EIPR1: variants seen among roughly 807,000 people sequenced by gnomAD.
EIPR1 encodes EARP complex and GARP complex interacting protein 1.
EIPR1 carries 25 observed loss-of-function variants against 48.1 expected under a neutral mutation model. That is an observed-to-expected ratio of 0.52 (90% CI 0.38 to 0.73). The LOEUF is 0.73. Ranked by LOEUF, EIPR1 falls within the 30% of genes least tolerant of loss-of-function variation. The pLI is 0.00. For missense variants in EIPR1, 415 were observed against 506.2 expected, an observed-to-expected ratio of 0.82 and a Z score of 1.73; for synonymous variants, 204 against 201.9, an observed-to-expected ratio of 1.01 and a Z score of -0.09.
chr2:3,218,198 T>C (rs1665713047), intron 4 of EIPR1, among the ~76,000 whole-genome samples: 1 of 149,960 alleles, frequency 6.7e-6, no homozygotes, highest in Non-Finnish European at 1.5e-5. Context: ...TGATACGCTC[T>C]AGAGCTTTCA....
At chr2:3,236,184 T>C (rs1666400303) in intron 4 of EIPR1, among the ~76,000 whole-genome samples, 1 of 152,146 alleles carries the variant, frequency 6.6e-6, no homozygotes, top group Non-Finnish European at 1.5e-5. Context: ...GTACGTGTAC[T>C]GTATGTTAAA....
chr2:3,203,291 G>T (rs2103118788), intron 5 of EIPR1, among the ~76,000 whole-genome samples: 1 of 152,358 alleles, frequency 6.6e-6, no homozygotes, highest in South Asian at 2.1e-4. Flanking sequence ...AGTAACTAGG[G>T]AAAGCTTTCA....
At chr2:3,362,430 C>T (rs1670873349) in intron 1 of EIPR1, among the ~76,000 whole-genome samples, 1 of 150,984 alleles carries the variant, frequency 6.6e-6, no homozygotes, top group South Asian at 2.1e-4. Context: ...ATTTTAACAA[C>T]CTCTTAACCA....
In EIPR1 at chr2:3,367,992, T is replaced by C. The variant is rs1671017692; in HGVS notation, c.42+9656A>G. On this transcript the variant is annotated intron_variant, in intron 1 of 8. Coordinates refer to ENST00000382125, the MANE Select transcript of EIPR1 (RefSeq NM_003310.5). ...CCCGGGAGGCGGAGCTTGCAGTGAG[T>C]TGAGATCGCGCCACTGCACTCCAGC... Among the ~76,000 whole-genome samples, 4 of 151,724 alleles carry C rather than the reference T, an allele frequency of 2.6e-5. 1 individual carries two copies. The South Asian group carries it at 8.4e-4, about 32-fold the overall frequency.
At chr2:3,260,202 T>C (rs946108770) in intron 3 of EIPR1, among the ~76,000 whole-genome samples, 1 of 152,072 alleles carries the variant, frequency 6.6e-6, no homozygotes, top group Non-Finnish European at 1.5e-5. Flanking sequence ...ATTAAAGAAA[T>C]GAAGCAGTGG....
intron 3 of EIPR1, among the ~76,000 whole-genome samples, chr2:3,316,949 G>C (rs2103317959): frequency 6.6e-6 from 1 of 152,400 alleles, no homozygotes; most frequent in African/African-American, 2.4e-5. Flanking sequence ...GTGCATGTGT[G>C]AGCTGAGGAT....
At chr2:3,343,059 C>G (rs553238752) in intron 2 of EIPR1, among the ~76,000 whole-genome samples, 1 of 152,218 alleles carries the variant, frequency 6.6e-6, no homozygotes, top group Non-Finnish European at 1.5e-5. Context: ...TCACAATCTA[C>G]AGGTGAAAAG....
At chr2:3,369,064 T>G (rs1366513887) in intron 1 of EIPR1, among the ~76,000 whole-genome samples, 1 of 152,210 alleles carries the variant, frequency 6.6e-6, no homozygotes, top group Non-Finnish European at 1.5e-5. Context: ...TCAGTTTTCT[T>G]GTTTACTGCA....
At chr2:3,233,673 A>T (rs2694088) in intron 4 of EIPR1, among the ~76,000 whole-genome samples, 139,200 of 152,254 alleles carry the variant, frequency 0.91, 64,123 homozygotes, top group East Asian at 0.98. Flanking sequence ...CTTCTCACAC[A>T]TCTGTGAATT....
intron 3 of EIPR1, among the ~76,000 whole-genome samples, chr2:3,280,024 T>G (rs1667969179): frequency 1.3e-5 from 2 of 152,310 alleles, no homozygotes; most frequent in Non-Finnish European, 2.9e-5. Flanking sequence ...ATCTTTCTAT[T>G]TTTATGTATT....
chr2:3,218,286 C>T (rs1162913511), intron 4 of EIPR1, among the ~76,000 whole-genome samples: 7 of 147,242 alleles, frequency 4.8e-5, no homozygotes, highest in Non-Finnish European at 7.5e-5. Context: ...ACACCCAACA[C>T]GGCCCTGATA....
intron 3 of EIPR1, among the ~76,000 whole-genome samples, chr2:3,324,867 G>A (rs1440416469): frequency 6.6e-6 from 1 of 152,230 alleles, no homozygotes; most frequent in South Asian, 2.1e-4. Context: ...TCACCAGGCT[G>A]GGGTCAGTGG....
At chr2:3,200,716 A>G (rs962362578) in intron 5 of EIPR1, among the ~76,000 whole-genome samples, 1 of 151,940 alleles carries the variant, frequency 6.6e-6, no homozygotes, top group Non-Finnish European at 1.5e-5. Context: ...GCACGGCAGG[A>G]TTAAGCTTGA....
intron 3 of EIPR1, among the ~76,000 whole-genome samples, chr2:3,332,248 A>C (rs1669922200): frequency 6.6e-6 from 1 of 152,228 alleles, no homozygotes; most frequent in Non-Finnish European, 1.5e-5. Context: ...GGGTGAAACA[A>C]GTTCTAAATA....
Position 3,323,002 on chromosome 2 carries a change from G to A in EIPR1, c.259+15015C>T, listed in dbSNP as rs72765347. On this transcript the variant is annotated intron_variant, in intron 3 of 8. Transcript: ENST00000382125. ...ATAAGCGAAAAGCGACAAACGTTACGAAAATGCAAAAACATTAAAGTCTTC... is the reference window on the plus strand; with the variant it reads ...ATAAGCGAAAAGCGACAAACGTTACAAAAATGCAAAAACATTAAAGTCTTC... Among the ~76,000 whole-genome samples, 688 of 152,120 alleles carry A rather than the reference G, an allele frequency of 4.5e-3. 3 individuals carry two copies. Among genetic ancestry groups the A allele is most frequent in the Non-Finnish European group, 7.8e-3 (531 of 68,006 alleles).
chr2:3,327,179 T>G (rs747091838), intron 3 of EIPR1, among the ~76,000 whole-genome samples: 1 of 152,164 alleles, frequency 6.6e-6, no homozygotes, highest in Non-Finnish European at 1.5e-5. Context: ...ATAGATGTCA[T>G]GTCATGTCAT....
At chr2:3,361,252 T>C (rs1670845234) in intron 1 of EIPR1, among the ~76,000 whole-genome samples, 1 of 152,036 alleles carries the variant, frequency 6.6e-6, no homozygotes, top group South Asian at 2.1e-4. Flanking sequence ...CCTCACCTCC[T>C]CCATTTTGTA....
intron 4 of EIPR1, among the ~76,000 whole-genome samples, chr2:3,245,144 C>A (rs764813258): frequency 6.6e-6 from 1 of 151,824 alleles, no homozygotes; most frequent in Non-Finnish European, 1.5e-5. Context: ...GATAACCATT[C>A]CTTATTTTAT....
intron 3 of EIPR1, chr2:3,319,296 C>A (rs35586250): frequency 0.26 from 63,986 of 247,094 alleles, 11,490 homozygotes; most frequent in East Asian, 0.66. Context: ...TCCTAATTAG[C>A]GCTGCTGGCC....
Sources: gnomAD v4.1 joint callset for allele counts (sites outside exome capture counted in the v4.1 genomes callset) on GRCh38, gnomAD v4.1.1 for gene constraint, MANE v1.5 for transcripts, NCBI Gene and HGNC (gene_info 2026-07-23, HGNC 2026-07-21) for gene names.